The following CCDC69 variants were observed in gnomAD, a reference collection of about 807,000 sequenced individuals.
The protein encoded by CCDC69 is coiled-coil domain-containing protein 69.
Under a neutral mutation model 40.3 loss-of-function variants are expected in CCDC69, and 38 were observed. That is an observed-to-expected ratio of 0.94 (90% CI 0.73 to 1.24). CCDC69 has a LOEUF of 1.24. Ranked by LOEUF, CCDC69 falls within the 50% of genes most tolerant of loss-of-function variation. The probability of loss-of-function intolerance (pLI) is 0.00; values close to 1 mark genes in which losing one functional copy is unlikely to be tolerated. For synonymous variants in CCDC69, 141 were observed against 138.9 expected (o/e 1.02, Z -0.11); for missense variants, 389 against 357.9 (o/e 1.09, Z -0.70).
intron 1 of CCDC69, among the ~76,000 whole-genome samples, chr5:151,216,406 A>AT (rs1262419326): frequency 0.037 from 4,275 of 116,216 alleles, 75 homozygotes; most frequent in South Asian, 0.054. Context: ...AATTATTAGG[A>AT]TTTTTTTTTT....
chr5:151,189,489 A>C lies in CCDC69; in HGVS notation c.320-2030T>G, dbSNP rs544791287. Among the ~76,000 whole-genome samples, 6 of 152,204 alleles carry C rather than the reference A, an allele frequency of 3.9e-5. No individual in the cohort carries two copies. The South Asian group carries it at 1.0e-3, about 26-fold the overall frequency. ...GAAAAAAAAATGAACGGAGCTTCAGAGACCTGTAAGATAATGCCCAAATAG... is the reference window on the plus strand; with the variant it reads ...GAAAAAAAAATGAACGGAGCTTCAGCGACCTGTAAGATAATGCCCAAATAG... On this transcript the variant is annotated intron_variant, in intron 4 of 8. Transcript: ENST00000355417.
chr5:151,185,650 A>C, intron 6 of CCDC69, 109 bp from the exon 7 acceptor site: 1 of 1,154,144 alleles, frequency 8.7e-7, no homozygotes, highest in South Asian at 1.4e-5. Context: ...TTCCTCTCTC[A>C]GCCCATGTTA....
At chr5:151,190,910 T>C (rs1322743752) in intron 4 of CCDC69, among the ~76,000 whole-genome samples, 1 of 151,640 alleles carries the variant, frequency 6.6e-6, no homozygotes, top group Non-Finnish European at 1.5e-5. Flanking sequence ...ATTATGAACA[T>C]CAACATTATC....
chr5:151,187,955 G>A (rs1413111832), intron 4 of CCDC69, among the ~76,000 whole-genome samples: 2 of 152,280 alleles, frequency 1.3e-5, no homozygotes, highest in East Asian at 1.9e-4. Flanking sequence ...GAGACCTTGA[G>A]AAGATCATAT....
chr5:151,216,876 A>G (rs1753051862), intron 1 of CCDC69, among the ~76,000 whole-genome samples: 1 of 152,188 alleles, frequency 6.6e-6, no homozygotes, highest in Non-Finnish European at 1.5e-5. Context: ...ATAGTTAGCA[A>G]AAGAGGCAGA....
intron 1 of CCDC69, among the ~76,000 whole-genome samples, chr5:151,217,329 G>A (rs543847691): frequency 1.3e-5 from 2 of 152,284 alleles, no homozygotes; most frequent in South Asian, 4.2e-4. Flanking sequence ...TTACAGTGCT[G>A]CCTCTTCTGC....
chr5:151,211,731 C>T (rs1752953812), intron 1 of CCDC69, among the ~76,000 whole-genome samples: 1 of 151,952 alleles, frequency 6.6e-6, no homozygotes, highest in Admixed American at 6.6e-5. Flanking sequence ...ACCATGTTGG[C>T]CAGGCAGGTC....
At chr5:151,215,561 T>C (rs1331708830) in intron 1 of CCDC69, 2 of 347,670 alleles carry the variant, frequency 5.8e-6, no homozygotes, top group South Asian at 3.9e-5. Flanking sequence ...AGGGGGCTTC[T>C]CTGGAGAGCA....
chr5:151,223,101 G>A (rs1027254948), intron 1 of CCDC69, among the ~76,000 whole-genome samples: 1 of 152,190 alleles, frequency 6.6e-6, no homozygotes, highest in South Asian at 2.1e-4. Flanking sequence ...CTTCCCCTCT[G>A]CCTCACAGTG....
chr5:151,219,551 A>T (rs1035578055), intron 1 of CCDC69, among the ~76,000 whole-genome samples: 1 of 152,186 alleles, frequency 6.6e-6, no homozygotes, highest in Admixed American at 6.5e-5. Context: ...GTTTCCATGG[A>T]CTACTTAACA....
chr5:151,182,103 C>T lies in CCDC69; in HGVS notation c.*1334G>A, dbSNP rs1766639997. ...TGGGGCTGAAGCTGGGGACCTTGAG[C>T]AAGGCCCTTTGACTCCTGTGATCTG... On this transcript the variant is annotated 3_prime_UTR_variant, in exon 9 of 9. Transcript: ENST00000355417. 6.6e-6 allele frequency: 1 copy of T among 152,262 alleles called. No homozygotes were observed. Among genetic ancestry groups the T allele is most frequent in the African/African-American group, 2.4e-5 (1 of 41,454 alleles). 9.4% of individuals were successfully genotyped at this position (152,262 alleles called of 1,614,324 possible).
chr5:151,212,658 A>T (rs1375857187), intron 1 of CCDC69: 2 of 399,992 alleles, frequency 5.0e-6, no homozygotes, highest in Non-Finnish European at 1.0e-5. Context: ...AGGATGTAGG[A>T]GGTGGCTCAA....
At position 151,219,793 on chromosome 5, in the gene CCDC69, G is replaced by A. The variant is rs187851307; in HGVS notation, c.48+4130C>T. ...AAATTTTGACTCAAAATAATAATCA[G>A]AACAATTCCATTTTTTAATGGAATC... On this transcript the variant is annotated intron_variant, in intron 1 of 8. Coordinates refer to ENST00000355417, the MANE Select transcript of CCDC69 (RefSeq NM_015621.3). Among the ~76,000 whole-genome samples the A allele has an allele frequency of 2.5e-3, 383 of 152,150 alleles. 3 individuals are homozygous for A. The highest frequency in any genetic ancestry group is 9.0e-3 in the African/African-American group (374 of 41,502).
At chr5:151,206,540 T>C (rs527452036) in intron 1 of CCDC69, among the ~76,000 whole-genome samples, 3 of 152,318 alleles carry the variant, frequency 2.0e-5, no homozygotes, top group African/African-American at 7.2e-5. Flanking sequence ...GCTCCCAGAT[T>C]TCATAAATGA....
At chr5:151,213,205 T>C (rs1383069802) in intron 1 of CCDC69, among the ~76,000 whole-genome samples, 1 of 152,180 alleles carries the variant, frequency 6.6e-6, no homozygotes. Context: ...AGTCACATAC[T>C]CAAGCCTTTG....
intron 4 of CCDC69, among the ~76,000 whole-genome samples, chr5:151,197,667 C>T (rs926585743): frequency 2.0e-5 from 3 of 151,908 alleles, no homozygotes; most frequent in Admixed American, 6.6e-5. Flanking sequence ...TCTATTTTAC[C>T]AAAATAAAAA....
At chr5:151,197,541 A>G (rs1752717003) in intron 4 of CCDC69, among the ~76,000 whole-genome samples, 1 of 152,034 alleles carries the variant, frequency 6.6e-6, no homozygotes, top group Non-Finnish European at 1.5e-5. Context: ...AAACAAACAA[A>G]ACAAAAAAAA....
intron 3 of CCDC69, among the ~76,000 whole-genome samples, chr5:151,200,537 T>G (rs547578532): frequency 3.7e-4 from 56 of 152,362 alleles, no homozygotes; most frequent in Non-Finnish European, 2.6e-4. Flanking sequence ...AAAACTTGTG[T>G]ACACCACCAA....
chr5:151,193,487 G>A (rs916383194), intron 4 of CCDC69, among the ~76,000 whole-genome samples: 1 of 151,824 alleles, frequency 6.6e-6, no homozygotes, highest in Non-Finnish European at 1.5e-5. Flanking sequence ...CTGCACTCCA[G>A]CCTGGGCATC....
Sources: gnomAD v4.1 joint callset for allele counts (sites outside exome capture counted in the v4.1 genomes callset) on GRCh38, gnomAD v4.1.1 for gene constraint, MANE v1.5 for transcripts, NCBI Gene and HGNC (gene_info 2026-07-23, HGNC 2026-07-21) for gene names.